Variants in PDZRN4 observed in about 807,000 individuals in gnomAD.
PDZRN4 encodes the protein PDZ domain-containing RING finger protein 4.
A neutral mutation model predicts 99.0 loss-of-function variants in PDZRN4; 70 were observed. The observed-to-expected ratio is 0.71, with a 90% CI of 0.58 to 0.86. PDZRN4 has a LOEUF of 0.86. Ranked by LOEUF, PDZRN4 falls within the 40% of genes least tolerant of loss-of-function variation. The pLI is 0.00. For missense variants in PDZRN4, 1,474 were observed against 1,331.2 expected, an observed-to-expected ratio of 1.11 and a Z score of -1.67; for synonymous variants, 551 against 501.6, an observed-to-expected ratio of 1.10 and a Z score of -1.32.
intron 5 of PDZRN4, among the ~76,000 whole-genome samples, chr12:41,520,439 A>G (rs1442770190): frequency 6.6e-6 from 1 of 152,156 alleles, no homozygotes; most frequent in Non-Finnish European, 1.5e-5. Context: ...CTTGCAGGCT[A>G]GCAAAGCTAA....
At chr12:41,272,543 G>A (rs1430430487) in intron 3 of PDZRN4, among the ~76,000 whole-genome samples, 3 of 151,882 alleles carry the variant, frequency 2.0e-5, no homozygotes, top group East Asian at 3.9e-4. Flanking sequence ...GGATTTAATT[G>A]CCTCAATAAA....
chr12:41,447,368 T>C (rs1237330740), intron 3 of PDZRN4, among the ~76,000 whole-genome samples: 1 of 152,106 alleles, frequency 6.6e-6, no homozygotes. Context: ...CACATTGTAG[T>C]GTTACTGTCT....
At chr12:41,369,427 A>T (rs1023302258) in intron 3 of PDZRN4, among the ~76,000 whole-genome samples, 2 of 152,084 alleles carry the variant, frequency 1.3e-5, no homozygotes, top group African/African-American at 4.8e-5. Context: ...TTCATTTATA[A>T]GTAAAATTGT....
chr12:41,189,355 G>A (rs1170622431), intron 1 of PDZRN4, among the ~76,000 whole-genome samples: 2 of 151,950 alleles, frequency 1.3e-5, no homozygotes, highest in East Asian at 3.9e-4. Context: ...ACTTTCCCCC[G>A]GGAAAGTAGG....
At chr12:41,544,846 T>A (rs956347687) in intron 5 of PDZRN4, among the ~76,000 whole-genome samples, 4 of 152,142 alleles carry the variant, frequency 2.6e-5, no homozygotes, top group Non-Finnish European at 5.9e-5. Context: ...AAGGTGCTGT[T>A]TAGAATTCAG....
intron 3 of PDZRN4, among the ~76,000 whole-genome samples, chr12:41,408,378 G>T (rs1471846500): frequency 6.6e-6 from 1 of 152,180 alleles, no homozygotes; most frequent in Non-Finnish European, 1.5e-5. Context: ...ATTTTAAGCT[G>T]CTCTGGGTAA....
At chr12:41,456,825 A>G (rs1952820388) in intron 3 of PDZRN4, among the ~76,000 whole-genome samples, 1 of 152,228 alleles carries the variant, frequency 6.6e-6, no homozygotes, top group Non-Finnish European at 1.5e-5. Context: ...ATTGAGTATG[A>G]CAATGGAACC....
intron 3 of PDZRN4, among the ~76,000 whole-genome samples, chr12:41,216,751 A>G (rs535150043): frequency 8.6e-5 from 13 of 152,044 alleles, no homozygotes; most frequent in Non-Finnish European, 1.8e-4. Flanking sequence ...TGATTAATTC[A>G]TTTCAGAACA....
chr12:41,477,283 A>T (rs1937612499), intron 3 of PDZRN4, among the ~76,000 whole-genome samples: 1 of 152,174 alleles, frequency 6.6e-6, no homozygotes, highest in African/African-American at 2.4e-5. Flanking sequence ...TCCATTTTTC[A>T]ATTTGACCAT....
chr12:41,321,766 G>A (rs1951679571), intron 3 of PDZRN4, among the ~76,000 whole-genome samples: 1 of 152,152 alleles, frequency 6.6e-6, no homozygotes, highest in African/African-American at 2.4e-5. Context: ...GATCGCCTGT[G>A]TAAATGTGAC....
At chr12:41,560,399 G>A (rs754829934) in intron 7 of PDZRN4, among the ~76,000 whole-genome samples, 1 of 151,916 alleles carries the variant, frequency 6.6e-6, no homozygotes, top group Non-Finnish European at 1.5e-5. Context: ...CAGGAGATTG[G>A]GCCTAAAGTG....
At chr12:41,320,039 C>T (rs1301202216) in intron 3 of PDZRN4, among the ~76,000 whole-genome samples, 1 of 152,232 alleles carries the variant, frequency 6.6e-6, no homozygotes, top group East Asian at 1.9e-4. Flanking sequence ...TCTGCCACCA[C>T]TGGGCCTTGC....
At chr12:41,495,499 C>T (rs781394437) in intron 3 of PDZRN4, among the ~76,000 whole-genome samples, 2 of 152,046 alleles carry the variant, frequency 1.3e-5, no homozygotes, top group African/African-American at 2.4e-5. Flanking sequence ...TACCATTTTA[C>T]AGCTCTCTTC....
chr12:41,328,982 TG>T (rs1194542620), intron 3 of PDZRN4, among the ~76,000 whole-genome samples: 6 of 152,126 alleles, frequency 3.9e-5, no homozygotes, highest in Non-Finnish European at 8.8e-5. Flanking sequence ...TAAACAAATT[TG>T]GGCACTATAA....
At chr12:41,222,645 A>G (rs1455077303) in intron 3 of PDZRN4, among the ~76,000 whole-genome samples, 4 of 152,128 alleles carry the variant, frequency 2.6e-5, no homozygotes, top group South Asian at 4.2e-4. Context: ...CAGCCTCCCA[A>G]GTAGCTGGGA....
At chr12:41,370,754 G>T (rs570734319) in intron 3 of PDZRN4, among the ~76,000 whole-genome samples, 1 of 151,708 alleles carries the variant, frequency 6.6e-6, no homozygotes, top group Non-Finnish European at 1.5e-5. Flanking sequence ...AATCACTCTG[G>T]ATTGCCTTCT....
chr12:41,249,450 G>T (rs1307648874), intron 3 of PDZRN4, among the ~76,000 whole-genome samples: 1 of 152,168 alleles, frequency 6.6e-6, no homozygotes, highest in Non-Finnish European at 1.5e-5. Flanking sequence ...TTGGATGCCA[G>T]ACAATATGGG....
intron 3 of PDZRN4, among the ~76,000 whole-genome samples, chr12:41,271,551 C>T (rs1951314559): frequency 6.6e-6 from 1 of 152,156 alleles, no homozygotes; most frequent in Non-Finnish European, 1.5e-5. Flanking sequence ...TGCTAGCCTC[C>T]TGGCCCTAAC....
rs545371593 is a variant in PDZRN4, at chr12:41,408,655, C to T, written c.844-97801C>T. ...GGAAATCGGAATTTTATATATTTTT[C>T]CAAAAAACAATATGATGTTCTTGTA... On this transcript the variant is annotated intron_variant, in intron 3 of 9. Coordinates refer to ENST00000402685, the MANE Select transcript of PDZRN4 (RefSeq NM_001164595.2). 2.3e-4 allele frequency among the ~76,000 whole-genome samples: 35 copies of T among 152,032 alleles called. No homozygotes were observed. The South Asian group carries it at 5.2e-3, about 23-fold the overall frequency.
Sources: allele counts gnomAD v4.1 joint callset (sites outside exome capture counted in the v4.1 genomes callset), GRCh38; gene constraint gnomAD v4.1.1; transcripts MANE v1.5; gene names NCBI Gene and HGNC (gene_info 2026-07-23, HGNC 2026-07-21).